The following LAMA2 variants were observed in gnomAD, a reference collection of about 807,000 sequenced individuals.
LAMA2 encodes laminin subunit alpha 2.
Under a neutral mutation model 364.8 loss-of-function variants are expected in LAMA2, and 269 were observed. The ratio of observed to expected loss-of-function variants is 0.74; its 90% CI spans 0.67 to 0.82. The LOEUF (loss-of-function observed/expected upper bound fraction) is 0.82. Among genes scored for constraint, LAMA2 ranks in the 40% least tolerant of loss-of-function variants. The pLI, the probability that LAMA2 is intolerant of heterozygous loss-of-function variation, is 0.00. For synonymous variants in LAMA2, 1,379 were observed against 1,370.6 expected (o/e 1.01, Z -0.14); for missense variants, 3,807 against 3,873.2 (o/e 0.98, Z 0.45).
At position 129,516,204 on chromosome 6, in the gene LAMA2, T is replaced by G; in HGVS notation, c.9226T>G (p.Phe3076Val). 2 of 1,614,116 alleles carry G rather than the reference T, an allele frequency of 1.2e-6. No individual in the cohort carries two copies. Among genetic ancestry groups the G allele is most frequent in the South Asian group, 2.2e-5 (2 of 91,084 alleles). ...VGGFPDDLKQ[F>V]GLTTSIPFRG... Reference sequence around the variant, plus strand: ...GCCTTTTTCAGATGACCTCAAGCAGTTTGGCCTAACAACCAGTATTCCGTT... The same window carrying G: ...GCCTTTTTCAGATGACCTCAAGCAGGTTGGCCTAACAACCAGTATTCCGTT... The change falls in exon 65 of 65, where the codon TTT becomes GTT. Residue 3076 changes from phenylalanine to valine, a missense_variant. Phe to Val is a conservative substitution (Grantham distance 50). This residue lies in a region of LAMA2 where 3,333 missense variants were observed against 3,345.7 expected (regional missense o/e 1.00). Coordinates refer to ENST00000421865, the MANE Select transcript of LAMA2 (RefSeq NM_000426.4).
chr6:129,093,778 C>A (rs1562233461), intron 3 of LAMA2, among the ~76,000 whole-genome samples: 1 of 152,276 alleles, frequency 6.6e-6, no homozygotes, highest in East Asian at 1.9e-4. Flanking sequence ...AATTGTCAAA[C>A]ACTTGATATT....
intron 14 of LAMA2, among the ~76,000 whole-genome samples, 176 bp downstream of exon 14, chr6:129,252,471 A>G (rs928919973): frequency 2.6e-5 from 4 of 152,186 alleles, no homozygotes; most frequent in African/African-American, 9.7e-5. Flanking sequence ...ACAGTTTTAA[A>G]TATGCAGAAT....
At chr6:129,403,370 T>G (rs1004734115) in intron 39 of LAMA2, among the ~76,000 whole-genome samples, 4 of 152,220 alleles carry the variant, frequency 2.6e-5, no homozygotes, top group Non-Finnish European at 5.9e-5. Flanking sequence ...CTTGGGGACA[T>G]ATTGGTCATT....
chr6:128,884,619 A>G (rs1348953556), intron 1 of LAMA2, among the ~76,000 whole-genome samples: 1 of 152,154 alleles, frequency 6.6e-6, no homozygotes, highest in African/African-American at 2.4e-5. Flanking sequence ...TGCATTCACT[A>G]TATAACTTTT....
chr6:129,463,490 C>T lies in LAMA2; in HGVS notation c.6993-800C>T, dbSNP rs542304945. On this transcript the variant is annotated intron_variant, in intron 49 of 64. Coordinates refer to ENST00000421865, the MANE Select transcript of LAMA2 (RefSeq NM_000426.4). ...CCACTCCCAGTCCACAACTCTTTCC[C>T]GCAGGTATCTCCACAATCGCAGTAA... 5.3e-5 allele frequency among the ~76,000 whole-genome samples: 8 copies of T among 152,042 alleles called. No individual in the cohort carries two copies. The South Asian group carries it at 6.2e-4, about 12-fold the overall frequency.
At chr6:128,883,825 CACACACACACATAT>C (rs774247152) in intron 1 of LAMA2, among the ~76,000 whole-genome samples, 42 of 144,616 alleles carry the variant, frequency 2.9e-4, no homozygotes, top group African/African-American at 1.0e-3. Flanking sequence ...CACACACACA[CACACACACACATAT>C]ATATATATAT....
intron 3 of LAMA2, among the ~76,000 whole-genome samples, chr6:129,095,408 C>A (rs1296720245): frequency 1.3e-5 from 2 of 152,092 alleles, no homozygotes; most frequent in Non-Finnish European, 2.9e-5. Context: ...TTATTAAATT[C>A]TGATCATCAT....
Position 129,486,462 on chromosome 6 carries a change from T to C in LAMA2, c.7750-12T>C. The C allele has an allele frequency of 6.2e-7, 1 of 1,612,876 alleles. No individual in the cohort carries two copies. The highest frequency in any genetic ancestry group is 8.5e-7 in the Non-Finnish European group (1 of 1,178,992). ...CTTCTGTTTAATCTTCAATAACCAC[T>C]TGCTGTTGCAGGCCTATTATGCAAT... On this transcript the variant is annotated splice_polypyrimidine_tract_variant and intron_variant, in intron 55 of 64. Coordinates refer to ENST00000421865, the MANE Select transcript of LAMA2 (RefSeq NM_000426.4).
chr6:129,465,102 C>T (rs373601214), intron 50 of LAMA2, 43 bp from the exon 51 acceptor site: 2 of 1,526,716 alleles, frequency 1.3e-6, no homozygotes, highest in African/African-American at 1.4e-5. Flanking sequence ...TCATATACTT[C>T]TCTGTGTATC....
At position 129,388,691 on chromosome 6, in the gene LAMA2, G is replaced by A. The variant is rs539418219; in HGVS notation, c.5072-2800G>A. The stretch of plus-strand genomic sequence containing the variant: ...GATTTATACACGCACACACACACAC[G>A]CGCGCACACACACATATTCATTTAA... On this transcript the variant is annotated intron_variant, in intron 35 of 64. Transcript: ENST00000421865. Among the ~76,000 whole-genome samples, 496 of 151,790 alleles carry A rather than the reference G, an allele frequency of 3.3e-3. 3 individuals carry two copies. The highest frequency in any genetic ancestry group is 0.01 in the African/African-American group (429 of 41,414).
chr6:129,054,555 A>G (rs142187424), intron 2 of LAMA2, among the ~76,000 whole-genome samples: 80 of 152,006 alleles, frequency 5.3e-4, no homozygotes, highest in African/African-American at 1.9e-3. Context: ...CTGTGCAGAC[A>G]GGGAGAATTA....
At chr6:129,292,533 T>C (rs1250205718) in intron 20 of LAMA2, among the ~76,000 whole-genome samples, 2 of 152,190 alleles carry the variant, frequency 1.3e-5, no homozygotes, top group African/African-American at 4.8e-5. Context: ...AAATACAGCA[T>C]GTTGTTCTCA....
chr6:129,235,894 A>G (rs939440705), intron 12 of LAMA2, among the ~76,000 whole-genome samples: 2 of 152,168 alleles, frequency 1.3e-5, no homozygotes, highest in African/African-American at 4.8e-5. Flanking sequence ...TATTTATTCT[A>G]ATGATTTATC....
rs552187625 is a variant in LAMA2, at chr6:128,992,861, C to T, written c.113-57057C>T. 2.6e-5 allele frequency among the ~76,000 whole-genome samples: 4 copies of T among 152,242 alleles called. No homozygotes were observed. In the East Asian group the frequency reaches 7.7e-4, roughly 29 times the overall value. ...TAGGTACGTCACCTCCTTGAATCTA[C>T]TGATATGAAGAGAAAGCTATAACTA... On this transcript the variant is annotated intron_variant, in intron 1 of 64. Transcript: ENST00000421865.
chr6:129,058,911 A>G (rs1788682067), intron 2 of LAMA2, among the ~76,000 whole-genome samples: 1 of 152,236 alleles, frequency 6.6e-6, no homozygotes, highest in Non-Finnish European at 1.5e-5. Context: ...TTTGGAAAAT[A>G]GTAAATGATT....
At position 129,514,396 on chromosome 6, in the gene LAMA2, T is replaced by C; in HGVS notation, c.9012T>C (p.Gly3004=). The stretch of plus-strand genomic sequence containing the variant: ...AGTTGATGTTTCATGTGGACAATGG[T>C]GCGGGCAGATTCACTGCTGTCTATG... ...DEKLMFHVDN[G]AGRFTAVYDA... The change falls in exon 64 of 65, where the codon GGT becomes GGC. Residue 3004 remains glycine (G), a synonymous_variant. Coordinates refer to ENST00000421865, the MANE Select transcript of LAMA2 (RefSeq NM_000426.4). 2 of 1,613,804 alleles carry C rather than the reference T, an allele frequency of 1.2e-6. No homozygotes were observed. Among genetic ancestry groups the C allele is most frequent in the Non-Finnish European group, 1.7e-6 (2 of 1,179,800 alleles).
At chr6:129,498,514 A>G (rs753716890) in intron 58 of LAMA2, among the ~76,000 whole-genome samples, 1 of 152,270 alleles carries the variant, frequency 6.6e-6, no homozygotes, top group Admixed American at 6.5e-5. Flanking sequence ...AGTGTTAACA[A>G]TAATTCAGTT....
intron 41 of LAMA2, among the ~76,000 whole-genome samples, chr6:129,437,827 CT>C (rs1781909003): frequency 6.6e-6 from 1 of 151,864 alleles, no homozygotes; most frequent in African/African-American, 2.4e-5. Flanking sequence ...CAGATTGGAT[CT>C]TTATTTTCTT....
chr6:129,304,270 GT>G (rs1023136545), intron 22 of LAMA2, among the ~76,000 whole-genome samples: 21 of 151,804 alleles, frequency 1.4e-4, no homozygotes, highest in Middle Eastern at 3.4e-3. Flanking sequence ...TTTGTTTTTT[GT>G]TTTTTGTTTT....
Sources: gnomAD v4.1 joint callset for allele counts (sites outside exome capture counted in the v4.1 genomes callset) on GRCh38, gnomAD v4.1.1 for gene constraint, gnomAD v4.1.1 regional missense constraint, MANE v1.5 for transcripts, NCBI Gene and HGNC (gene_info 2026-07-23, HGNC 2026-07-21) for gene names.